PLAGL1: variants seen among roughly 807,000 people sequenced by gnomAD.
PLAGL1 encodes PLAG1 like zinc finger 1.
In PLAGL1, 1 loss-of-function variant was observed where a neutral mutation model predicts 4.6. The ratio of observed to expected loss-of-function variants is 0.22; its 90% CI spans 0.08 to 1.03. The LOEUF (loss-of-function observed/expected upper bound fraction) is 1.03. Among genes scored for constraint, PLAGL1 ranks in the 50% least tolerant of loss-of-function variants. PLAGL1 has a pLI of 0.58. For missense variants in PLAGL1, 464 were observed against 570.4 expected, an observed-to-expected ratio of 0.81 and a Z score of 1.90; for synonymous variants, 240 against 237.8, an observed-to-expected ratio of 1.01 and a Z score of -0.08.
chr6:144,033,454 G>A (rs1351277999), intron 1 of PLAGL1, among the ~76,000 whole-genome samples: 1 of 152,210 alleles, frequency 6.6e-6, no homozygotes, highest in African/African-American at 2.4e-5. Flanking sequence ...GAAGCTGGAA[G>A]AATTCTGAGA....
chr6:144,058,995 G>A (rs1023303460), intron 1 of PLAGL1, among the ~76,000 whole-genome samples: 7 of 152,222 alleles, frequency 4.6e-5, no homozygotes, highest in African/African-American at 1.7e-4. Context: ...TGCCCTGGGG[G>A]TACTCTGTGT....
chr6:144,035,861 A>G (rs1797194893), intron 1 of PLAGL1, among the ~76,000 whole-genome samples: 1 of 152,184 alleles, frequency 6.6e-6, no homozygotes, highest in Non-Finnish European at 1.5e-5. Flanking sequence ...TGTCAAGAAC[A>G]TTTCTGGCAC....
Position 144,061,250 on chromosome 6 carries a change from A to T in PLAGL1, c.-151+3218T>A, listed in dbSNP as rs1451781908. Among the ~76,000 whole-genome samples the T allele has an allele frequency of 2.0e-5, 3 of 152,298 alleles. No individual in the cohort carries two copies. The highest frequency in any genetic ancestry group is 2.1e-4 in the South Asian group (1 of 4,832). ...CACGCAGGACTAAATTCCAAAAGGG[A>T]GCCTCTCATTTCACTTCAGTTACCC... On this transcript the variant is annotated intron_variant, in intron 1 of 3. Coordinates refer to the PLAGL1 transcript ENST00000437412. This position sits in a 1 kb window ranked among gnomAD's most constrained non-coding sequence, Gnocchi z 4.4.
Position 143,955,510 on chromosome 6 carries a change from T to C in PLAGL1, c.-325+4959A>G, listed in dbSNP as rs2128542356. ...GTGAGGAGGGCGGGAAGAGAAGAGG[T>C]AGAAATAGGTAGAGAATGCCAATAA... On this transcript the variant is annotated intron_variant, in intron 6 of 7. Coordinates refer to ENST00000674357, the MANE Select transcript of PLAGL1 (RefSeq NM_001317162.2). This position sits in a 1 kb window ranked among gnomAD's most constrained non-coding sequence, Gnocchi z 4.9. Among the ~76,000 whole-genome samples, 1 of 151,616 alleles carries C rather than the reference T, an allele frequency of 6.6e-6. No homozygotes were observed. Among genetic ancestry groups the C allele is most frequent in the Non-Finnish European group, 1.5e-5 (1 of 67,894 alleles).
In PLAGL1 at chr6:144,053,066, T is replaced by C. The variant is rs1798694915; in HGVS notation, c.-151+11402A>G. Among the ~76,000 whole-genome samples the C allele has an allele frequency of 6.6e-6, 1 of 152,240 alleles. No individual in the cohort carries two copies. Among genetic ancestry groups the C allele is most frequent in the Admixed American group, 6.5e-5 (1 of 15,284 alleles). The stretch of plus-strand genomic sequence containing the variant: ...GCTTTGATAAACAAGGATGAAATTA[T>C]TTATTTTAACTGATGCTCAACCATA... On this transcript the variant is annotated intron_variant, in intron 1 of 3. Transcript: ENST00000437412. The surrounding 1 kb of genome is among the most constrained non-coding windows in gnomAD (Gnocchi z 4.0).
Position 144,053,806 on chromosome 6 carries a change from C to A in PLAGL1, c.-151+10662G>T, listed in dbSNP as rs1009580542. Among the ~76,000 whole-genome samples, 5 of 152,178 alleles carry A rather than the reference C, an allele frequency of 3.3e-5. No homozygotes were observed. The highest frequency in any genetic ancestry group is 1.2e-4 in the African/African-American group (5 of 41,444). Reference sequence around the variant, plus strand: ...ATAGTTATAACCTCGAGATCCTTATCAGCACATCCTTCTAGGCAGCTACAA... The same window carrying A: ...ATAGTTATAACCTCGAGATCCTTATAAGCACATCCTTCTAGGCAGCTACAA... On this transcript the variant is annotated intron_variant, in intron 1 of 3. Coordinates refer to the PLAGL1 transcript ENST00000437412. The surrounding 1 kb of genome is among the most constrained non-coding windows in gnomAD (Gnocchi z 4.0).
chr6:144,019,588 G>T (rs76711082), intron 1 of PLAGL1, among the ~76,000 whole-genome samples: 3,943 of 152,114 alleles, frequency 0.026, 200 homozygotes, highest in African/African-American at 0.092. Flanking sequence ...TAGTCCTGTG[G>T]TTATGTAGGA....
At chr6:143,951,509 A>G (rs1781070096) in intron 6 of PLAGL1, among the ~76,000 whole-genome samples, 1 of 152,264 alleles carries the variant, frequency 6.6e-6, no homozygotes, top group Admixed American at 6.5e-5. Flanking sequence ...CAAACACACT[A>G]GGAGTACAAA....
intron 1 of PLAGL1, among the ~76,000 whole-genome samples, chr6:144,060,090 C>T (rs1012173147): frequency 2.6e-5 from 4 of 151,816 alleles, no homozygotes; most frequent in African/African-American, 9.7e-5. Context: ...CTCTGTTGCC[C>T]AGGCTGAAGT....
rs1166650278 is a variant in PLAGL1 at position 144,027,235 on chromosome 6, G to A, written c.-151+37233C>T. Among the ~76,000 whole-genome samples the A allele has an allele frequency of 4.8e-4, 19 of 39,248 alleles. No homozygotes were observed. In the East Asian group the frequency reaches 8.3e-3, roughly 17 times the overall value. The allele number at this position is 39,248 out of a possible 152,430, so 25.7% of individuals were successfully genotyped here. On this transcript the variant is annotated intron_variant, in intron 1 of 3. Transcript: ENST00000437412. This position sits in a 1 kb window ranked among gnomAD's most constrained non-coding sequence, Gnocchi z 5.8. ...AAAGACCCCAACTCAAAGAACGAAC[G>A]AAAGAAAGAAAGAAAGAAAGAAAGA...
chr6:144,022,577 A>T lies in PLAGL1; in HGVS notation c.-151+41891T>A, dbSNP rs1366318143. Among the ~76,000 whole-genome samples, 1 of 152,038 alleles carries T rather than the reference A, an allele frequency of 6.6e-6. No homozygotes were observed. The highest frequency in any genetic ancestry group is 6.5e-5 in the Admixed American group (1 of 15,268). On this transcript the variant is annotated intron_variant, in intron 1 of 3. Coordinates refer to the PLAGL1 transcript ENST00000437412. This position sits in a 1 kb window ranked among gnomAD's most constrained non-coding sequence, Gnocchi z 4.2. ...ATAATTCCCATGTGTTGTGGGAGGGATCTGGTGCTGGTAATTGAATCATGG... is the reference window on the plus strand; with the variant it reads ...ATAATTCCCATGTGTTGTGGGAGGGTTCTGGTGCTGGTAATTGAATCATGG...
At position 144,015,048 on chromosome 6, in the gene PLAGL1, A is replaced by C. The variant is rs1795477931; in HGVS notation, c.-150-46070T>G. 6.6e-6 allele frequency among the ~76,000 whole-genome samples: 1 copy of C among 152,250 alleles called. No homozygotes were observed. Among genetic ancestry groups the C allele is most frequent in the Non-Finnish European group, 1.5e-5 (1 of 68,040 alleles). On this transcript the variant is annotated intron_variant, in intron 1 of 3. Transcript: ENST00000437412. This position sits in a 1 kb window ranked among gnomAD's most constrained non-coding sequence, Gnocchi z 4.3. Reference sequence around the variant, plus strand: ...TCTCAGACCTAAATAAAAAGCAGGAACTATAAAACTTCTGGAATCACCTTG... The same window carrying C: ...TCTCAGACCTAAATAAAAAGCAGGACCTATAAAACTTCTGGAATCACCTTG...
chr6:143,953,004 A>G lies in PLAGL1; in HGVS notation c.-324-4544T>C, dbSNP rs1781386339. 6.6e-6 allele frequency among the ~76,000 whole-genome samples: 1 copy of G among 152,216 alleles called. No individual in the cohort carries two copies. The highest frequency in any genetic ancestry group is 6.5e-5 in the Admixed American group (1 of 15,288). ...CAGACCTCACTCCCATCATGGCCGG[A>G]AGGCAAGGCCAAGGATCACTCCACT... On this transcript the variant is annotated intron_variant, in intron 6 of 7. Coordinates refer to ENST00000674357, the MANE Select transcript of PLAGL1 (RefSeq NM_001317162.2). The surrounding 1 kb of genome is among the most constrained non-coding windows in gnomAD (Gnocchi z 5.3).
At chr6:144,012,757 G>A (rs778550118), upstream of PLAGL1, among the ~76,000 whole-genome samples, 1 of 152,132 alleles carries the variant, frequency 6.6e-6, no homozygotes, top group Non-Finnish European at 1.5e-5. This position sits in a 1 kb window ranked among gnomAD's most constrained non-coding sequence, Gnocchi z 4.8. Flanking sequence ...CGCATGCTTT[G>A]GCATTACAGC....
rs1010633944 is a variant in PLAGL1 at position 143,959,324 on chromosome 6, A to G, written c.-325+1145T>C. Reference sequence around the variant, plus strand: ...CCTGTTCGCAGCCCATGGACTCGCCACTGAATACTTCGGCAGACACATTCC... The same window carrying G: ...CCTGTTCGCAGCCCATGGACTCGCCGCTGAATACTTCGGCAGACACATTCC... On this transcript the variant is annotated intron_variant, in intron 6 of 7. Transcript: ENST00000674357. The surrounding 1 kb of genome is among the most constrained non-coding windows in gnomAD (Gnocchi z 5.3). Among the ~76,000 whole-genome samples, 3 of 152,204 alleles carry G rather than the reference A, an allele frequency of 2.0e-5. No homozygotes were observed. In the South Asian group the frequency reaches 6.2e-4, roughly 32 times the overall value.
At chr6:143,980,743 C>T (rs1016427646) in intron 2 of PLAGL1, among the ~76,000 whole-genome samples, 1 of 152,162 alleles carries the variant, frequency 6.6e-6, no homozygotes, top group East Asian at 1.9e-4. Context: ...CTCTGCACAT[C>T]TGGTAAATTC....
At chr6:143,967,725 T>G (rs146723601) in intron 3 of PLAGL1, 1 of 152,010 alleles carries the variant, frequency 6.6e-6, no homozygotes, top group Non-Finnish European at 1.5e-5. Flanking sequence ...CTGAACGTGT[T>G]GGTGGGGGTA....
rs1790213903 is a variant in PLAGL1 at position 143,990,396 on chromosome 6, G to C, written c.-583-5222C>G. Among the ~76,000 whole-genome samples the C allele has an allele frequency of 3.3e-5, 5 of 152,130 alleles. No homozygotes were observed. The highest frequency in any genetic ancestry group is 2.6e-4 in the Admixed American group (4 of 15,274). On this transcript the variant is annotated intron_variant, in intron 1 of 7. Coordinates refer to ENST00000674357, the MANE Select transcript of PLAGL1 (RefSeq NM_001317162.2). This position sits in a 1 kb window ranked among gnomAD's most constrained non-coding sequence, Gnocchi z 5.4. ...GGCCTCCCAAAGTGCAGGGATTACAGGTGTGAGCCATCGTGCCCGGCTGAT... is the reference window on the plus strand; with the variant it reads ...GGCCTCCCAAAGTGCAGGGATTACACGTGTGAGCCATCGTGCCCGGCTGAT...
chr6:143,967,355 ACTT>A (rs566312836), intron 3 of PLAGL1: 121 of 152,182 alleles, frequency 8.0e-4, no homozygotes, highest in African/African-American at 2.8e-3. Flanking sequence ...AACATGAATA[ACTT>A]CTTTTGGAGT....
Sources: allele counts gnomAD v4.1 joint callset (sites outside exome capture counted in the v4.1 genomes callset), GRCh38; gene constraint gnomAD v4.1.1; non-coding constraint Gnocchi (gnomAD v3.1); transcripts MANE v1.5; gene names NCBI Gene and HGNC (gene_info 2026-07-23, HGNC 2026-07-21).